The following CLOCK variants were observed in gnomAD, a reference collection of about 807,000 sequenced individuals.
The protein encoded by CLOCK is clock circadian regulator, also known as circadian locomoter output cycles protein kaput.
Under a neutral mutation model 118.4 loss-of-function variants are expected in CLOCK, and 43 were observed. That is an observed-to-expected ratio of 0.36 (90% CI 0.28 to 0.47). The LOEUF (loss-of-function observed/expected upper bound fraction) is 0.47, where lower values mean the gene tolerates loss of function less well. Ranked by LOEUF, CLOCK falls within the 20% of genes least tolerant of loss-of-function variation. The pLI is 1.00. For missense variants in CLOCK, 846 were observed against 999.9 expected (o/e 0.85, Z 2.08); for synonymous variants, 326 against 339.2 (o/e 0.96, Z 0.43).
In CLOCK at chr4:55,450,110, C is replaced by T. The variant is rs374332338; in HGVS notation, c.1329G>A (p.Thr443=). 3 of 1,613,970 alleles carry T rather than the reference C, an allele frequency of 1.9e-6. No individual in the cohort carries two copies. Among genetic ancestry groups the T allele is most frequent in the Non-Finnish European group, 1.7e-6 (2 of 1,179,968 alleles). ...ACTCACAGGAAGGGTCTGAGACGGC[C>T]GTGTGAGATGATTTTCTTGAACTCC... The part of the protein sequence containing the change: ...SSRSSRKSSH[T]AVSDPSSTPT... The change falls in exon 16 of 23, where the codon ACG becomes ACA. Residue 443 remains threonine (T), a synonymous_variant. Coordinates refer to ENST00000513440, the MANE Select transcript of CLOCK (RefSeq NM_004898.4).
Position 55,435,477 on chromosome 4 carries a change from G to C in CLOCK, c.2479C>G (p.Gln827Glu). 6.2e-7 allele frequency: 1 copy of C among 1,614,068 alleles called. No homozygotes were observed. Among genetic ancestry groups the C allele is most frequent in the Non-Finnish European group, 8.5e-7 (1 of 1,179,934 alleles). Reference protein sequence around the residue: ...HHQQHQSQQQQQLSRHRTDSL... With the variant: ...HHQQHQSQQQEQLSRHRTDSL... ...TCAGTCCTGTGCCGGCTGAGTTGCT[G>C]CTGTTGCTGAGACTGATGTTGCTGG... The change falls in exon 23 of 23, where the codon CAG (glutamine) becomes GAG (glutamate). Residue 827 changes from glutamine to glutamate, a missense_variant. Coordinates refer to ENST00000513440, the MANE Select transcript of CLOCK (RefSeq NM_004898.4).
At chr4:55,513,454 C>T (rs1729292629) in intron 1 of CLOCK, among the ~76,000 whole-genome samples, 1 of 152,054 alleles carries the variant, frequency 6.6e-6, no homozygotes, top group Admixed American at 6.6e-5. Context: ...CATGACTGTA[C>T]TGATGTGGAT....
intron 1 of CLOCK, among the ~76,000 whole-genome samples, chr4:55,515,562 T>G (rs535063448): frequency 6.6e-6 from 1 of 152,228 alleles, no homozygotes; most frequent in Admixed American, 6.5e-5. Flanking sequence ...TTTTTGTATT[T>G]TTAGTAGAGA....
Position 55,511,132 on chromosome 4 carries a change from C to A in CLOCK, c.-289-1067G>T, listed in dbSNP as rs147700836. Among the ~76,000 whole-genome samples the A allele has an allele frequency of 8.5e-5, 13 of 152,220 alleles. 1 individual carries two copies. Among genetic ancestry groups the A allele is most frequent in the African/African-American group, 3.1e-4 (13 of 41,532 alleles). ...AACTGATCATCAAGCGTCCATTGTG[C>A]AGAATGAGAAAAAAGTCTCATCACA... On this transcript the variant is annotated intron_variant, in intron 1 of 22. Coordinates refer to ENST00000513440, the MANE Select transcript of CLOCK (RefSeq NM_004898.4).
At chr4:55,490,567 C>T (rs1185435630) in intron 2 of CLOCK, among the ~76,000 whole-genome samples, 1 of 151,996 alleles carries the variant, frequency 6.6e-6, no homozygotes, top group East Asian at 1.9e-4. Context: ...ATATTAATAC[C>T]AAAATCTGCA....
At position 55,443,889 on chromosome 4, in the gene CLOCK, A is replaced by C; in HGVS notation, c.1700T>G (p.Leu567Trp). The C allele has an allele frequency of 6.2e-7, 1 of 1,612,048 alleles. No homozygotes were observed. Among genetic ancestry groups the C allele is most frequent in the African/African-American group, 1.3e-5 (1 of 74,982 alleles). ...MVHGQGLQMF[L>W]QQSNPGLNFG... ...ATTCAACCCAGGATTTGATTGTTGC[A>C]AAAACATCTTTAAAAATAAAGATTA... is the stretch of plus-strand genomic sequence containing the variant. Residue 567 changes from leucine to tryptophan, a missense_variant, in exon 20 of 23, where the codon TTG becomes TGG. Around this residue, in one of 4 missense-constraint regions of CLOCK, gnomAD observed 520 missense variants for 558.0 expected, o/e 0.93. Coordinates refer to ENST00000513440, the MANE Select transcript of CLOCK (RefSeq NM_004898.4).
intron 1 of CLOCK, among the ~76,000 whole-genome samples, chr4:55,529,432 T>C (rs1050126800): frequency 3.3e-5 from 5 of 152,122 alleles, no homozygotes; most frequent in African/African-American, 9.7e-5. Flanking sequence ...AGTACTGTTA[T>C]TAAAGGCATG....
chr4:55,500,299 T>C (rs1728350417), intron 2 of CLOCK, among the ~76,000 whole-genome samples: 1 of 152,160 alleles, frequency 6.6e-6, no homozygotes, highest in African/African-American at 2.4e-5. Context: ...ATAATTGTTT[T>C]TGTTTCTATC....
In CLOCK at chr4:55,476,616, T is replaced by C. The variant is rs143310366; in HGVS notation, c.257-562A>G. 2.1e-4 allele frequency among the ~76,000 whole-genome samples: 32 copies of C among 152,294 alleles called. No individual in the cohort carries two copies. In the East Asian group the frequency reaches 5.2e-3, roughly 25 times the overall value. On this transcript the variant is annotated intron_variant, in intron 6 of 22. Coordinates refer to ENST00000513440, the MANE Select transcript of CLOCK (RefSeq NM_004898.4). The stretch of plus-strand genomic sequence containing the variant: ...ATGCAAAAACTTTACTACAGTAATA[T>C]TCCCACAGTGATTTTTCTTAGTGTC...
intron 1 of CLOCK, among the ~76,000 whole-genome samples, chr4:55,539,595 A>C (rs1731127280): frequency 6.6e-6 from 1 of 150,952 alleles, no homozygotes. Flanking sequence ...AAAAAAAAAA[A>C]AAAAAGGTGA....
At chr4:55,474,259 T>G (rs13118237) in intron 7 of CLOCK, among the ~76,000 whole-genome samples, 51,394 of 152,130 alleles carry the variant, frequency 0.34, 9,375 homozygotes, top group East Asian at 0.58. Context: ...CAACATCCCC[T>G]TAAGCCAAAG....
At chr4:55,527,820 A>G (rs1422881172) in intron 1 of CLOCK, among the ~76,000 whole-genome samples, 1 of 150,334 alleles carries the variant, frequency 6.7e-6, no homozygotes, top group Admixed American at 6.6e-5. Context: ...AAGTGAGAGG[A>G]TCAGTTGAGG....
At chr4:55,486,111 T>C (rs550825367) in intron 3 of CLOCK, among the ~76,000 whole-genome samples, 1 of 152,162 alleles carries the variant, frequency 6.6e-6, no homozygotes, top group African/African-American at 2.4e-5. Context: ...GTGGTTATAT[T>C]TGGAGTTAAC....
At chr4:55,459,404 T>C in intron 9 of CLOCK, 143 bp from the exon 10 acceptor site, 1 of 647,750 alleles carries the variant, frequency 1.5e-6, no homozygotes, top group Non-Finnish European at 2.8e-6. Context: ...ATTTAGTTCA[T>C]AAAAGTAGAG....
chr4:55,438,935 G>T (rs2109652639), intron 21 of CLOCK, among the ~76,000 whole-genome samples: 1 of 152,288 alleles, frequency 6.6e-6, no homozygotes, highest in East Asian at 1.9e-4. Context: ...ATAGTTAGCA[G>T]CTGGAATTAG....
At chr4:55,501,642 C>G (rs575558681) in intron 2 of CLOCK, 1 of 152,222 alleles carries the variant, frequency 6.6e-6, no homozygotes, top group African/African-American at 2.4e-5. Context: ...AAGAGTAGAA[C>G]AAGGAGTTCA....
intron 4 of CLOCK, among the ~76,000 whole-genome samples, chr4:55,480,455 G>A (rs562687007): frequency 6.6e-6 from 1 of 152,128 alleles, no homozygotes; most frequent in African/African-American, 2.4e-5. Flanking sequence ...TTGTAGAGAT[G>A]GGGTCTTGCT....
At chr4:55,498,241 C>T (rs1280667814) in intron 2 of CLOCK, among the ~76,000 whole-genome samples, 1 of 152,092 alleles carries the variant, frequency 6.6e-6, no homozygotes, top group Non-Finnish European at 1.5e-5. Context: ...ACAAGTATTC[C>T]CCTTTGTGCA....
intron 2 of CLOCK, among the ~76,000 whole-genome samples, chr4:55,493,806 T>C (rs1727876781): frequency 1.3e-5 from 2 of 152,134 alleles, no homozygotes; most frequent in South Asian, 4.1e-4. Flanking sequence ...AAGAACCACA[T>C]CCCAAACCAG....
Sources: gnomAD v4.1 joint callset for allele counts (sites outside exome capture counted in the v4.1 genomes callset) on GRCh38, gnomAD v4.1.1 for gene constraint, gnomAD v4.1.1 regional missense constraint, MANE v1.5 for transcripts, NCBI Gene and HGNC (gene_info 2026-07-23, HGNC 2026-07-21) for gene names.